The following SLC6A12 variants were observed in gnomAD, a reference collection of about 807,000 sequenced individuals.
The protein encoded by SLC6A12 is sodium- and chloride-dependent betaine transporter.
SLC6A12 carries 50 observed loss-of-function variants against 73.3 expected under a neutral mutation model. The ratio of observed to expected loss-of-function variants is 0.68; its 90% CI spans 0.54 to 0.86. SLC6A12 has a LOEUF of 0.86. Ranked by LOEUF, SLC6A12 falls within the 40% of genes least tolerant of loss-of-function variation. SLC6A12 has a pLI of 0.00. For missense variants in SLC6A12, 648 were observed against 772.8 expected (o/e 0.84, Z 1.92); for synonymous variants, 304 against 309.2 (o/e 0.98, Z 0.18).
At chr12:199,739 C>T (rs954805215) in intron 7 of SLC6A12, 3 of 152,076 alleles carry the variant, frequency 2.0e-5, no homozygotes, top group African/African-American at 4.8e-5. Context: ...GCACAGTCTC[C>T]GGCTCTCTGG....
chr12:206,401 C>T (rs1940645547), intron 3 of SLC6A12, among the ~76,000 whole-genome samples: 1 of 152,234 alleles, frequency 6.6e-6, no homozygotes, highest in South Asian at 2.1e-4. Flanking sequence ...CAGGTCATAG[C>T]ATGAATTCCC....
intron 3 of SLC6A12, among the ~76,000 whole-genome samples, chr12:206,568 A>G (rs537735288): frequency 2.2e-4 from 33 of 152,330 alleles, no homozygotes; most frequent in East Asian, 1.3e-3. Flanking sequence ...TCTTGCACCA[A>G]TCTGCATTCC....
At chr12:185,918 T>C (rs990373848), downstream of SLC6A12, among the ~76,000 whole-genome samples, 2 of 152,204 alleles carry the variant, frequency 1.3e-5, no homozygotes, top group Non-Finnish European at 2.9e-5. Context: ...GTTAACAAGC[T>C]TCTCATCCCT....
At position 204,685 on chromosome 12, in the gene SLC6A12, G is replaced by A. The variant is rs1396157986; in HGVS notation, c.228C>T (p.Ile76=). ...CYKNGGGAFF[I]PYFIFFFVCG... ...AGACAAAGAAGAAGATGAAGTAGGG[G>A]ATGAAGAAGGCTCCTGCAGAAGAGA... The change falls in exon 4 of 16, where the codon ATC becomes ATT. Residue 76 remains isoleucine, a synonymous_variant. Transcript: ENST00000684302. 1 of 1,613,974 alleles carries A rather than the reference G, an allele frequency of 6.2e-7. No individual in the cohort carries two copies. The highest frequency in any genetic ancestry group is 8.5e-7 in the Non-Finnish European group (1 of 1,180,036).
chr12:196,287 G>A (rs1939861159), intron 11 of SLC6A12, 26 bp from the exon 12 acceptor site: 1 of 1,601,864 alleles, frequency 6.2e-7, no homozygotes, highest in Non-Finnish European at 8.5e-7. Flanking sequence ...GGAACTGGAT[G>A]AGAGGGTGTG....
At chr12:196,087 C>T (rs764510675) in intron 12 of SLC6A12, 37 bp downstream of exon 12, 1 of 1,545,620 alleles carries the variant, frequency 6.5e-7, no homozygotes, top group Non-Finnish European at 8.7e-7. Flanking sequence ...GCTCCCTCCC[C>T]TGGAGCCTGG....
chr12:194,386 T>C (rs1259601592), intron 13 of SLC6A12, among the ~76,000 whole-genome samples: 1 of 152,252 alleles, frequency 6.6e-6, no homozygotes, highest in Non-Finnish European at 1.5e-5. Flanking sequence ...GAGGCCCTAC[T>C]GTGTGGCACC....
At chr12:211,862 T>A (rs1940915021) in intron 2 of SLC6A12, among the ~76,000 whole-genome samples, 164 bp downstream of exon 2, 1 of 152,234 alleles carries the variant, frequency 6.6e-6, no homozygotes, top group Non-Finnish European at 1.5e-5. Flanking sequence ...CAGGCACTCT[T>A]TCTACGTATT....
At chr12:192,741 G>T in intron 14 of SLC6A12, 93 bp from the exon 15 acceptor site, 1 of 1,186,512 alleles carries the variant, frequency 8.4e-7, no homozygotes, top group African/African-American at 1.5e-5. Flanking sequence ...GACAAGTCAG[G>T]TGCACTGCAG....
In SLC6A12 at chr12:196,379, C is replaced by T. The variant is rs76343598; in HGVS notation, c.1189-118G>A. On this transcript the variant is annotated intron_variant, in intron 11 of 15. Transcript: ENST00000684302. ...ATGCACAGGGGTGCAGGGAGCAGCA[C>T]AAAGGGAAGAAATGGGGGTGCCCTG... The T allele has an allele frequency of 2.9e-3, 3,815 of 1,296,182 alleles. 82 individuals carry two copies. The African/African-American group carries it at 0.049, about 17-fold the overall frequency. The allele number at this position is 1,296,182 out of a possible 1,614,324, so 80.3% of individuals were successfully genotyped here.
At chr12:196,447 A>T (rs1447092775) in intron 11 of SLC6A12, among the ~76,000 whole-genome samples, 186 bp from the exon 12 acceptor site, 1 of 152,156 alleles carries the variant, frequency 6.6e-6, no homozygotes, top group East Asian at 1.9e-4. Context: ...CATGACAAAG[A>T]GTCTCAGCAG....
At position 197,174 on chromosome 12, in the gene SLC6A12, C is replaced by CATCTATCCATCCATCTATCCATCCATCT. The variant is rs1565469145; in HGVS notation, c.1075+202_1075+203insAGATGGATGGATAGATGGATGGATAGAT. The stretch of plus-strand genomic sequence containing the variant: ...CCATCCATCCATCCATCCATCCATC[C>CATCTATCCATCCATCTATCCATCCATCT]ATCCATCCATCCATCCATCCATTCA... On this transcript the variant is annotated intron_variant, in intron 10 of 15. Coordinates refer to ENST00000684302, the MANE Select transcript of SLC6A12 (RefSeq NM_001122848.3). Among the ~76,000 whole-genome samples the CATCTATCCATCCATCTATCCATCCATCT allele has an allele frequency of 3.3e-3, 40 of 12,068 alleles. 4 individuals are homozygous for CATCTATCCATCCATCTATCCATCCATCT. In the East Asian group the frequency reaches 0.034, roughly 10 times the overall value. The allele number at this position is 12,068 out of a possible 152,430, so 7.9% of individuals were successfully genotyped here. A position where few individuals can be genotyped will look rare whatever the true frequency, so the allele number is the denominator to read the frequency against.
intron 3 of SLC6A12, among the ~76,000 whole-genome samples, chr12:207,749 A>C (rs1940721760): frequency 6.6e-6 from 1 of 152,140 alleles, no homozygotes; most frequent in Middle Eastern, 3.2e-3. Flanking sequence ...TGAGAAAATG[A>C]ATTCCTGGCC....
Position 190,944 on chromosome 12 carries a change from T to C in SLC6A12, c.*124A>G. Reference sequence around the variant, plus strand: ...TCTGGCCTCCAGCTGGGGGTGCCTGTGGCTCTCCAGAGGTTCCCAGCAGGA... The same window carrying C: ...TCTGGCCTCCAGCTGGGGGTGCCTGCGGCTCTCCAGAGGTTCCCAGCAGGA... On this transcript the variant is annotated 3_prime_UTR_variant, in exon 16 of 16. Transcript: ENST00000684302. The C allele has an allele frequency of 1.2e-6, 1 of 836,196 alleles. No individual in the cohort carries two copies. The highest frequency in any genetic ancestry group is 1.8e-5 in the African/African-American group (1 of 56,722). The allele number at this position is 836,196 out of a possible 1,614,324, so 51.8% of individuals were successfully genotyped here. A position where few individuals can be genotyped will look rare whatever the true frequency, so the allele number is the denominator to read the frequency against.
rs374234039 is a variant in SLC6A12 at position 195,325 on chromosome 12, G to A, written c.1329C>T (p.Gly443=). 74 of 1,598,024 alleles carry A rather than the reference G, an allele frequency of 4.6e-5. 1 individual carries two copies. The Middle Eastern group carries it at 5.0e-4, about 11-fold the overall frequency. The change falls in exon 13 of 16, where the codon GGC becomes GGT. Residue 443 remains glycine (G), a splice_region_variant and synonymous_variant. Coordinates refer to ENST00000684302, the MANE Select transcript of SLC6A12 (RefSeq NM_001122848.3). ...CAAACAGCTGGAAGATGTACATCCCGCCCTGTGGGGAGAGCGTGGAGCTGG... is the reference window on the plus strand; with the variant it reads ...CAAACAGCTGGAAGATGTACATCCCACCCTGTGGGGAGAGCGTGGAGCTGG... ...YLIGLFLVTE[G]GMYIFQLFDY...
intron 3 of SLC6A12, among the ~76,000 whole-genome samples, chr12:206,719 G>T (rs1040281361): frequency 6.6e-6 from 1 of 152,194 alleles, no homozygotes; most frequent in East Asian, 1.9e-4. Context: ...CTAGAGTGTT[G>T]GTCAGCACAG....
chr12:205,575 C>A lies in SLC6A12; in HGVS notation c.215-877G>T, dbSNP rs149983749. 1.6e-3 allele frequency among the ~76,000 whole-genome samples: 242 copies of A among 152,304 alleles called. 3 individuals carry two copies. The East Asian group carries it at 0.044, about 27-fold the overall frequency. The stretch of plus-strand genomic sequence containing the variant: ...ATGAATGAGGAAACTGAGGCACAAG[C>A]CCAGGCAGTCTAGTCCTGAGGCTGA... On this transcript the variant is annotated intron_variant, in intron 3 of 15. Coordinates refer to ENST00000684302, the MANE Select transcript of SLC6A12 (RefSeq NM_001122848.3).
chr12:209,606 G>A lies in SLC6A12; in HGVS notation c.214+167C>T, dbSNP rs181856220. ...AGGTATTGTCCCCATTTCACAGAGAGGGACGCTGAGGCTAGTAGTGGAGCT... is the reference window on the plus strand; with the variant it reads ...AGGTATTGTCCCCATTTCACAGAGAAGGACGCTGAGGCTAGTAGTGGAGCT... On this transcript the variant is annotated intron_variant, in intron 3 of 15. Coordinates refer to ENST00000684302, the MANE Select transcript of SLC6A12 (RefSeq NM_001122848.3). 191 of 674,094 alleles carry A rather than the reference G, an allele frequency of 2.8e-4. 1 individual carries two copies. In the African/African-American group the frequency reaches 3.3e-3, roughly 12 times the overall value. The allele number at this position is 674,094 out of a possible 1,614,324, so 41.8% of individuals were successfully genotyped here.
intron 4 of SLC6A12, chr12:203,610 CACAA>C (rs932589120): frequency 2.6e-5 from 4 of 152,148 alleles, no homozygotes; most frequent in Non-Finnish European, 4.4e-5. Flanking sequence ...CCAAAAAACA[CACAA>C]ACAAGCGGCC....
Sources: gnomAD v4.1 joint callset for allele counts (sites outside exome capture counted in the v4.1 genomes callset) on GRCh38, gnomAD v4.1.1 for gene constraint, MANE v1.5 for transcripts, NCBI Gene and HGNC (gene_info 2026-07-23, HGNC 2026-07-21) for gene names.